Variants in ADAMTSL1 observed in about 807,000 individuals in gnomAD.
ADAMTSL1 encodes the protein ADAMTS-like protein 1.
ADAMTSL1 carries 126 observed loss-of-function variants against 201.8 expected under a neutral mutation model. The ratio of observed to expected loss-of-function variants is 0.62; its 90% CI spans 0.54 to 0.72. ADAMTSL1 has a LOEUF of 0.72. Ranked by LOEUF, ADAMTSL1 falls within the 30% of genes least tolerant of loss-of-function variation. ADAMTSL1 has a pLI of 0.00. For missense variants in ADAMTSL1, 2,679 were observed against 2,277.8 expected (o/e 1.18, Z -3.59); for synonymous variants, 1,121 against 903.4 (o/e 1.24, Z -4.32).
At chr9:18,494,740 A>G (rs1022723357) in intron 1 of ADAMTSL1, among the ~76,000 whole-genome samples, 54 of 152,236 alleles carry the variant, frequency 3.5e-4, no homozygotes, top group Non-Finnish European at 7.1e-4. Context: ...GAATTTGATA[A>G]AAGCTATAAA....
At chr9:18,022,120 C>A (rs1317778620) in intron 1 of ADAMTSL1, among the ~76,000 whole-genome samples, 1 of 152,076 alleles carries the variant, frequency 6.6e-6, no homozygotes, top group Non-Finnish European at 1.5e-5. Flanking sequence ...GTGTCTAAAC[C>A]ACCCACCTTG....
At chr9:18,069,412 C>T (rs1378634414) in intron 1 of ADAMTSL1, among the ~76,000 whole-genome samples, 1 of 152,140 alleles carries the variant, frequency 6.6e-6, no homozygotes, top group Non-Finnish European at 1.5e-5. Context: ...TATATACATA[C>T]ATACATACAT....
intron 1 of ADAMTSL1, among the ~76,000 whole-genome samples, chr9:17,909,987 G>GAAA (rs113039631): frequency 3.8e-5 from 2 of 52,446 alleles, no homozygotes; most frequent in African/African-American, 7.3e-5. Flanking sequence ...ATAATTAAAA[G>GAAA]AAAAAAAAAA....
At chr9:17,952,337 T>C (rs1827759007) in intron 1 of ADAMTSL1, among the ~76,000 whole-genome samples, 1 of 152,176 alleles carries the variant, frequency 6.6e-6, no homozygotes. Flanking sequence ...GAAGTATTTC[T>C]CTGAAAGTTT....
At chr9:18,884,969 C>G (rs1011288868) in intron 23 of ADAMTSL1, among the ~76,000 whole-genome samples, 3 of 152,158 alleles carry the variant, frequency 2.0e-5, no homozygotes, top group African/African-American at 7.2e-5. Flanking sequence ...CTGTAGATCA[C>G]TATGAGTAGT....
intron 23 of ADAMTSL1, among the ~76,000 whole-genome samples, chr9:18,850,061 G>C (rs1826384664): frequency 6.6e-6 from 1 of 152,204 alleles, no homozygotes; most frequent in African/African-American, 2.4e-5. Context: ...AGTTGGACAT[G>C]GAAAGCAAGG....
intron 1 of ADAMTSL1, among the ~76,000 whole-genome samples, chr9:17,978,209 G>C (rs1258192173): frequency 6.6e-6 from 1 of 151,994 alleles, no homozygotes; most frequent in Non-Finnish European, 1.5e-5. Flanking sequence ...AAGTGAGTCT[G>C]TTTTGTAGGA....
chr9:18,619,618 A>G (rs1377643535), intron 4 of ADAMTSL1, among the ~76,000 whole-genome samples: 1 of 152,182 alleles, frequency 6.6e-6, no homozygotes, highest in Non-Finnish European at 1.5e-5. Flanking sequence ...GGATCTGTGA[A>G]GCTGAATTGT....
At chr9:18,657,603 G>A (rs375693358) in intron 7 of ADAMTSL1, 36 bp from the exon 8 acceptor site, 16 of 1,526,714 alleles carry the variant, frequency 1.0e-5, no homozygotes, top group African/African-American at 9.6e-5. Context: ...GCACCGCACT[G>A]TCACATTACT....
intron 1 of ADAMTSL1, among the ~76,000 whole-genome samples, chr9:18,060,896 C>T (rs1822420591): frequency 6.6e-6 from 1 of 152,108 alleles, no homozygotes; most frequent in Non-Finnish European, 1.5e-5. Flanking sequence ...TAATGGCAAA[C>T]ATTTAAAAAC....
At chr9:18,816,778 T>A (rs1823880395) in intron 20 of ADAMTSL1, among the ~76,000 whole-genome samples, 1 of 150,080 alleles carries the variant, frequency 6.7e-6, no homozygotes, top group South Asian at 2.1e-4. Context: ...TAAATTTAAT[T>A]TAATTTTAAA....
intron 23 of ADAMTSL1, among the ~76,000 whole-genome samples, chr9:18,830,361 C>A (rs1824897609): frequency 6.6e-6 from 1 of 152,200 alleles, no homozygotes; most frequent in Non-Finnish European, 1.5e-5. Context: ...TGATCCCCTG[C>A]CACCTAAACT....
intron 19 of ADAMTSL1, among the ~76,000 whole-genome samples, chr9:18,793,849 A>G (rs373028401): frequency 9.9e-5 from 15 of 152,256 alleles, no homozygotes; most frequent in Admixed American, 2.6e-4. Context: ...AGCCAGCCTC[A>G]CTAAGTCACC....
intron 2 of ADAMTSL1, among the ~76,000 whole-genome samples, chr9:18,519,904 G>T (rs1206227144): frequency 6.6e-6 from 1 of 152,020 alleles, no homozygotes; most frequent in Admixed American, 6.6e-5. Context: ...TTTCTTTTCT[G>T]ATTACATGAG....
At chr9:18,607,261 T>G (rs1451793734) in intron 4 of ADAMTSL1, among the ~76,000 whole-genome samples, 3 of 152,182 alleles carry the variant, frequency 2.0e-5, no homozygotes, top group African/African-American at 7.2e-5. Flanking sequence ...AACTTTCGAT[T>G]GTAAAATTTT....
intron 2 of ADAMTSL1, among the ~76,000 whole-genome samples, chr9:18,453,381 A>G (rs1424716677): frequency 6.6e-6 from 1 of 152,106 alleles, no homozygotes; most frequent in Non-Finnish European, 1.5e-5. Flanking sequence ...TGCCTTCAGT[A>G]TCATTCTCTT....
chr9:18,318,621 T>C (rs58650494), intron 2 of ADAMTSL1, among the ~76,000 whole-genome samples: 4,671 of 152,208 alleles, frequency 0.031, 244 homozygotes, highest in African/African-American at 0.11. Flanking sequence ...TGGCACCTCT[T>C]CCTTACAGTG....
rs1822368274 is a variant in ADAMTSL1 at position 18,795,510 on chromosome 9, C to A, written c.3791C>A (p.Ala1264Asp). 6.2e-7 allele frequency: 1 copy of A among 1,612,504 alleles called. No individual in the cohort carries two copies. The highest frequency in any genetic ancestry group is 8.5e-7 in the Non-Finnish European group (1 of 1,179,282). ...TTGGGATACGACTCTGTCTCCATTG[C>A]CGTCACATTAGCAGGTAACCCAAAA... ...NALGYDSVSI[A>D]VTLAGKPLVK... Residue 1264 changes from alanine to aspartate, a missense_variant, in exon 20 of 29, where the codon GCC becomes GAC. Coordinates refer to ENST00000380548, the MANE Select transcript of ADAMTSL1 (RefSeq NM_001040272.6).
At chr9:18,790,059 A>T (rs1314201137) in intron 19 of ADAMTSL1, among the ~76,000 whole-genome samples, 1 of 152,200 alleles carries the variant, frequency 6.6e-6, no homozygotes, top group African/African-American at 2.4e-5. Flanking sequence ...GACAACTAGA[A>T]ATTCCAAGAA....
Sources: allele counts gnomAD v4.1 joint callset (sites outside exome capture counted in the v4.1 genomes callset), GRCh38; gene constraint gnomAD v4.1.1; transcripts MANE v1.5; gene names NCBI Gene and HGNC (gene_info 2026-07-23, HGNC 2026-07-21).